Variants in BLK observed in about 807,000 individuals in gnomAD.
The protein encoded by BLK is tyrosine-protein kinase Blk.
In BLK, 64 loss-of-function variants were observed where a neutral mutation model predicts 61.8. The ratio of observed to expected loss-of-function variants is 1.03; its 90% CI spans 0.85 to 1.27. The LOEUF (loss-of-function observed/expected upper bound fraction) is 1.27. Ranked by LOEUF, BLK falls within the 50% of genes most tolerant of loss-of-function variation. The pLI is 0.00. For missense variants in BLK, 853 were observed against 660.5 expected, an observed-to-expected ratio of 1.29 and a Z score of -3.19; for synonymous variants, 351 against 272.0, an observed-to-expected ratio of 1.29 and a Z score of -2.86.
rs2618468 is a variant in BLK, at chr8:11,504,702, C to T, written c.-2+10111C>T. Among the ~76,000 whole-genome samples, 726 of 152,340 alleles carry T rather than the reference C, an allele frequency of 4.8e-3. 4 individuals carry two copies. The highest frequency in any genetic ancestry group is 0.016 in the African/African-American group (652 of 41,576). ...AATATGGTGACTTGCTGTTTGAGGA[C>T]GGTCTAAGCGACTGAGGAGTGTGCC... On this transcript the variant is annotated intron_variant, in intron 1 of 12. Transcript: ENST00000259089.
At chr8:11,515,373 G>A (rs1799183502) in intron 1 of BLK, among the ~76,000 whole-genome samples, 1 of 152,170 alleles carries the variant, frequency 6.6e-6, no homozygotes, top group African/African-American at 2.4e-5. Flanking sequence ...CTTTGAGGAT[G>A]ACCAGGAGCT....
Position 11,529,112 on chromosome 8 carries a change from T to C in BLK, c.-1-14112T>C, listed in dbSNP as rs147571619. ...CCCCATAACTTAAAATTTAAAATAA[T>C]AGTAATAATAATAATTAGCCCTAAT... On this transcript the variant is annotated intron_variant, in intron 1 of 12. Transcript: ENST00000259089. 4.6e-5 allele frequency among the ~76,000 whole-genome samples: 7 copies of C among 152,162 alleles called. No homozygotes were observed. In the East Asian group the frequency reaches 1.4e-3, roughly 29 times the overall value.
chr8:11,543,405 G>A (rs1193909738), intron 2 of BLK, 58 bp downstream of exon 2: 2 of 1,600,762 alleles, frequency 1.2e-6, no homozygotes, highest in Non-Finnish European at 1.7e-6. Flanking sequence ...ATGCCTTAAT[G>A]TCCAAGTTTG....
rs1450925932 is a variant in BLK at position 11,564,179 on chromosome 8, G to A, written c.*71G>A. 18 of 1,501,264 alleles carry A rather than the reference G, an allele frequency of 1.2e-5. No homozygotes were observed. The highest frequency in any genetic ancestry group is 9.8e-5 in the East Asian group (4 of 40,616). The allele number at this position is 1,501,264 out of a possible 1,614,324, so 93.0% of individuals were successfully genotyped here. On this transcript the variant is annotated 3_prime_UTR_variant, in exon 13 of 13. Coordinates refer to ENST00000259089, the MANE Select transcript of BLK (RefSeq NM_001715.3). ...CCCCGACTTCCGTGCCATCCCAGACGGGCCGCGAAGGCGGGGTGTCGCCTG... is the reference window on the plus strand; with the variant it reads ...CCCCGACTTCCGTGCCATCCCAGACAGGCCGCGAAGGCGGGGTGTCGCCTG...
intron 11 of BLK, 91 bp downstream of exon 11, chr8:11,561,543 G>T: frequency 6.7e-7 from 1 of 1,487,468 alleles, no homozygotes; most frequent in South Asian, 1.2e-5. Flanking sequence ...GCACAGCCCT[G>T]AGGGAAGACA....
Position 11,561,340 on chromosome 8 carries a change from C to T in BLK, c.1068C>T (p.Ser356=), listed in dbSNP as rs768547419. 1 of 1,614,040 alleles carries T rather than the reference C, an allele frequency of 6.2e-7. No homozygotes were observed. Among genetic ancestry groups the T allele is most frequent in the Non-Finnish European group, 8.5e-7 (1 of 1,179,976 alleles). The stretch of plus-strand genomic sequence containing the variant: ...TGGCATACATTGAGCGCATGAATTC[C>T]ATCCACCGCGACCTGCGGGCGGCCA... ...EGMAYIERMN[S]IHRDLRAANI... The change falls in exon 11 of 13, where the codon TCC becomes TCT. Residue 356 remains serine (S), a synonymous_variant. Transcript: ENST00000259089.
At chr8:11,538,961 T>C (rs1197457267) in intron 1 of BLK, among the ~76,000 whole-genome samples, 1 of 152,154 alleles carries the variant, frequency 6.6e-6, no homozygotes, top group Admixed American at 6.5e-5. Flanking sequence ...ATATATACAA[T>C]TAAAAGAAAG....
At chr8:11,535,768 T>A (rs866363214) in intron 1 of BLK, among the ~76,000 whole-genome samples, 4 of 152,220 alleles carry the variant, frequency 2.6e-5, no homozygotes, top group Admixed American at 1.3e-4. Context: ...GGAGCACAGA[T>A]CACCTCCTCG....
intron 9 of BLK, 167 bp from the exon 10 acceptor site, chr8:11,557,795 A>C: frequency 1.6e-6 from 1 of 638,580 alleles, no homozygotes; most frequent in Non-Finnish European, 2.9e-6. Context: ...TGTAAAGTGG[A>C]AGGCACTCGG....
At chr8:11,556,308 T>C (rs1801219309) in intron 8 of BLK, 2 of 364,974 alleles carry the variant, frequency 5.5e-6, no homozygotes. Flanking sequence ...GCTGTGTGCT[T>C]ATTTCCACCA....
chr8:11,520,775 T>C (rs1293130314), intron 1 of BLK, among the ~76,000 whole-genome samples: 4 of 152,204 alleles, frequency 2.6e-5, no homozygotes, highest in Admixed American at 1.3e-4. Flanking sequence ...AGATGATCTG[T>C]TTGTCTTTCA....
chr8:11,504,367 GAAAGAAAAGAAAAGAAAAGAAAAGA>G (rs55809628), intron 1 of BLK, among the ~76,000 whole-genome samples: 19 of 39,350 alleles, frequency 4.8e-4, no homozygotes, highest in Non-Finnish European at 4.9e-4. Context: ...AAGGAAGGAA[GAAAGAAAAGAAAAGAAAAGAAAAGA>G]AAAGAAAAGA....
chr8:11,501,133 C>A (rs1405917048), intron 1 of BLK, among the ~76,000 whole-genome samples: 1 of 152,110 alleles, frequency 6.6e-6, no homozygotes, highest in Non-Finnish European at 1.5e-5. Flanking sequence ...TGCTTGAACC[C>A]AGGAGATCTC....
intron 8 of BLK, 30 bp from the exon 9 acceptor site, chr8:11,556,628 T>C (rs1337198846): frequency 6.2e-7 from 1 of 1,613,998 alleles, no homozygotes; most frequent in East Asian, 2.2e-5. Flanking sequence ...CTCTGTCTTC[T>C]GATTGGCTTC....
intron 1 of BLK, among the ~76,000 whole-genome samples, chr8:11,526,009 G>A (rs1162939079): frequency 6.6e-6 from 1 of 152,182 alleles, no homozygotes; most frequent in Admixed American, 6.5e-5. Flanking sequence ...CTATCCTCAG[G>A]TGATCTGCCC....
intron 1 of BLK, among the ~76,000 whole-genome samples, chr8:11,518,432 T>TG (rs1196677584): frequency 6.6e-6 from 1 of 152,090 alleles, no homozygotes; most frequent in East Asian, 1.9e-4. Flanking sequence ...GGTGGATTGG[T>TG]GGGGGGCAGA....
intron 10 of BLK, 200 bp from the exon 11 acceptor site, chr8:11,561,102 C>T: frequency 1.3e-6 from 1 of 754,820 alleles, no homozygotes; most frequent in Non-Finnish European, 2.3e-6. Flanking sequence ...GTCTCTGATG[C>T]CCACGTTGCT....
intron 1 of BLK, among the ~76,000 whole-genome samples, chr8:11,505,288 T>G (rs796214815): frequency 4.1e-4 from 62 of 152,350 alleles, no homozygotes; most frequent in African/African-American, 1.4e-3. Context: ...CTTTCTATTC[T>G]TTCTACTGTA....
chr8:11,545,989 A>T, intron 2 of BLK, 63 bp from the exon 3 acceptor site: 1 of 1,570,314 alleles, frequency 6.4e-7, no homozygotes, highest in East Asian at 2.2e-5. Context: ...AGCAGTCTCA[A>T]CCCCCAGGCC....
Sources: gnomAD v4.1 joint callset for allele counts (sites outside exome capture counted in the v4.1 genomes callset) on GRCh38, gnomAD v4.1.1 for gene constraint, MANE v1.5 for transcripts, NCBI Gene and HGNC (gene_info 2026-07-23, HGNC 2026-07-21) for gene names.